The following POLN variants were observed in gnomAD, a reference collection of about 807,000 sequenced individuals.
POLN encodes DNA polymerase N.
Under a neutral mutation model 113.5 loss-of-function variants are expected in POLN, and 108 were observed. The ratio of observed to expected loss-of-function variants is 0.95; its 90% CI spans 0.81 to 1.12. The LOEUF (loss-of-function observed/expected upper bound fraction) is 1.12, where lower values mean the gene tolerates loss of function less well. POLN is among the 50% of genes most tolerant of loss of function. POLN has a pLI of 0.00. For missense variants in POLN, 1,097 were observed against 1,077.1 expected (o/e 1.02, Z -0.26); for synonymous variants, 386 against 391.5 (o/e 0.99, Z 0.17).
intron 19 of POLN, among the ~76,000 whole-genome samples, chr4:2,118,440 C>T (rs1256405495): frequency 6.6e-6 from 1 of 152,204 alleles, no homozygotes; most frequent in African/African-American, 2.4e-5. Context: ...CAATTCTTTT[C>T]TGAGTTTGTC....
At chr4:2,134,309 A>T (rs2108727615) in intron 16 of POLN, among the ~76,000 whole-genome samples, 1 of 152,338 alleles carries the variant, frequency 6.6e-6, no homozygotes, top group East Asian at 1.9e-4. Context: ...ATGAATAAAG[A>T]TGCCATAAGC....
intron 19 of POLN, among the ~76,000 whole-genome samples, chr4:2,123,255 G>A (rs1246044497): frequency 6.6e-6 from 1 of 152,182 alleles, no homozygotes; most frequent in African/African-American, 2.4e-5. Flanking sequence ...TTGGGAGGCT[G>A]AGGCAGGTAG....
intron 3 of POLN, chr4:2,228,787 T>C (rs1734474795): frequency 1.1e-5 from 3 of 263,220 alleles, no homozygotes; most frequent in Non-Finnish European, 2.2e-5. Context: ...AAATACTATG[T>C]ACAGGTTTGA....
At chr4:2,166,710 G>T (rs1256034515) in intron 13 of POLN, among the ~76,000 whole-genome samples, 1 of 152,142 alleles carries the variant, frequency 6.6e-6, no homozygotes, top group Non-Finnish European at 1.5e-5. Flanking sequence ...TTGGACACCA[G>T]AATTCCAGAC....
chr4:2,167,384 C>G lies in POLN; in HGVS notation c.1554+3295G>C, dbSNP rs566156581. 3.3e-5 allele frequency among the ~76,000 whole-genome samples: 5 copies of G among 152,262 alleles called. No individual in the cohort carries two copies. The East Asian group carries it at 9.6e-4, about 29-fold the overall frequency. On this transcript the variant is annotated intron_variant, in intron 13 of 25. Transcript: ENST00000511885. ...TCCTTCAGTTCGTTAGGGAGGGACC[C>G]TTGTTTCCCACTCATCATGTGCCTG...
rs1730160626 is a variant in POLN, at chr4:2,072,160, C to T, written c.2657G>A (p.Ser886Asn). The change falls in exon 26 of 26, where the codon AGC (serine) becomes AAC (asparagine). Residue 886 changes from serine (S) to asparagine (N), a missense_variant. By Grantham distance (46) the Ser-to-Asn change is conservative. Transcript: ENST00000511885. ...NSLAAPGSPA[S>N]TQPPPLHFSP... ...AAAATGCAGGGGTGGGGGCTGGGTG[C>T]TGGCAGGGGACCCAGGGGCAGCCAG... 6.2e-7 allele frequency: 1 copy of T among 1,612,258 alleles called. No homozygotes were observed. The highest frequency in any genetic ancestry group is 8.5e-7 in the Non-Finnish European group (1 of 1,179,488).
chr4:2,232,983 C>G (rs1301115553), intron 2 of POLN, among the ~76,000 whole-genome samples: 1 of 152,120 alleles, frequency 6.6e-6, no homozygotes, highest in African/African-American at 2.4e-5. Flanking sequence ...CCTGTACCCC[C>G]CCACTAGACT....
At chr4:2,099,027 C>CA (rs1215838931) in intron 19 of POLN, among the ~76,000 whole-genome samples, 3 of 151,912 alleles carry the variant, frequency 2.0e-5, no homozygotes, top group South Asian at 4.1e-4. Flanking sequence ...AGCGAGAAAA[C>CA]AAAAAATAAA....
At chr4:2,096,769 C>A (rs1225690734) in intron 19 of POLN, among the ~76,000 whole-genome samples, 2 of 151,744 alleles carry the variant, frequency 1.3e-5, no homozygotes, top group African/African-American at 4.9e-5. Flanking sequence ...AGAAACTTCT[C>A]CCAATCTGTT....
At chr4:2,153,023 G>A (rs1426716766) in intron 16 of POLN, among the ~76,000 whole-genome samples, 1 of 152,162 alleles carries the variant, frequency 6.6e-6, no homozygotes, top group Non-Finnish European at 1.5e-5. Context: ...AATACAACAG[G>A]ACATACGTGC....
At chr4:2,083,964 G>A (rs1730492083) in intron 21 of POLN, among the ~76,000 whole-genome samples, 1 of 152,258 alleles carries the variant, frequency 6.6e-6, no homozygotes, top group Admixed American at 6.5e-5. Flanking sequence ...CAGCGTCAGA[G>A]TGAGTCTGCT....
intron 19 of POLN, among the ~76,000 whole-genome samples, chr4:2,099,130 A>C (rs1730865929): frequency 6.6e-6 from 1 of 152,240 alleles, no homozygotes; most frequent in Non-Finnish European, 1.5e-5. Context: ...GGGGGAGAAC[A>C]CAGATCTCCC....
intron 19 of POLN, among the ~76,000 whole-genome samples, chr4:2,116,045 A>T (rs1731309587): frequency 6.6e-6 from 1 of 152,072 alleles, no homozygotes; most frequent in South Asian, 2.1e-4. Context: ...TTCCCTTCCA[A>T]AAGGCCTGGA....
chr4:2,143,652 CAA>C (rs1276529900), intron 16 of POLN, among the ~76,000 whole-genome samples: 1 of 152,102 alleles, frequency 6.6e-6, no homozygotes, highest in Admixed American at 6.5e-5. Context: ...CGATATCTCC[CAA>C]AAAGCACAAG....
chr4:2,086,482 T>C (rs1036942073), intron 20 of POLN, among the ~76,000 whole-genome samples: 1 of 152,106 alleles, frequency 6.6e-6, no homozygotes, highest in African/African-American at 2.4e-5. Context: ...ATTTCTTCAC[T>C]GTATATTAGG....
chr4:2,199,433 T>C (rs978865531), intron 5 of POLN, among the ~76,000 whole-genome samples: 2 of 151,692 alleles, frequency 1.3e-5, no homozygotes, highest in Non-Finnish European at 2.9e-5. Context: ...CCAAGAAAAA[T>C]ACATCAACAT....
In POLN at chr4:2,150,574, C is replaced by T. The variant is rs190013579; in HGVS notation, c.1731+6214G>A. ...AAAACAATGTTGGAGGACTTACATG[C>T]CCCAATTTAAAACCTTACTCGAAAG... is the stretch of plus-strand genomic sequence containing the variant. On this transcript the variant is annotated intron_variant, in intron 16 of 25. Coordinates refer to ENST00000511885, the MANE Select transcript of POLN (RefSeq NM_181808.4). Among the ~76,000 whole-genome samples the T allele has an allele frequency of 7.2e-4, 110 of 152,068 alleles. 2 individuals are homozygous for T. In the East Asian group the frequency reaches 0.02, roughly 28 times the overall value.
At chr4:2,114,769 T>C (rs1731276960) in intron 19 of POLN, among the ~76,000 whole-genome samples, 1 of 152,160 alleles carries the variant, frequency 6.6e-6, no homozygotes, top group South Asian at 2.1e-4. Flanking sequence ...GATACGTAGA[T>C]TGACATCTTT....
chr4:2,086,128 A>C (rs1730543485), intron 20 of POLN, among the ~76,000 whole-genome samples: 1 of 152,154 alleles, frequency 6.6e-6, no homozygotes, highest in African/African-American at 2.4e-5. Flanking sequence ...CAGGAGTTCA[A>C]CATTTTGTTC....
Sources: allele counts gnomAD v4.1 joint callset (sites outside exome capture counted in the v4.1 genomes callset), GRCh38; gene constraint gnomAD v4.1.1; transcripts MANE v1.5; gene names NCBI Gene and HGNC (gene_info 2026-07-23, HGNC 2026-07-21).